MYO3B: variants seen among roughly 807,000 people sequenced by gnomAD.
MYO3B encodes myosin-IIIb.
Under a neutral mutation model 174.6 loss-of-function variants are expected in MYO3B, and 156 were observed. The ratio of observed to expected loss-of-function variants is 0.89; its 90% CI spans 0.78 to 1.02. The LOEUF is 1.02. Among genes scored for constraint, MYO3B ranks in the 50% least tolerant of loss-of-function variants. MYO3B has a pLI of 0.00. For missense variants in MYO3B, 1,632 were observed against 1,639.4 expected, an observed-to-expected ratio of 1.00 and a Z score of 0.08; for synonymous variants, 563 against 569.1, an observed-to-expected ratio of 0.99 and a Z score of 0.15.
rs1559060676 is a variant in MYO3B at position 170,499,982 on chromosome 2, C to CCTTCCTTCTTTCCTTCCTTG, written c.3289+177_3289+178insCCTTCTTTCCTTCCTTGCTT. ...TCCTTCCTTCCTTCTTTCCTTCCTTCCTTTAGCAAATGTGTATCAAATGTG... is the reference window on the plus strand; with the variant it reads ...TCCTTCCTTCCTTCTTTCCTTCCTTCCTTCCTTCTTTCCTTCCTTGCTTTAGCAAATGTGTATCAAATGTG... On this transcript the variant is annotated intron_variant, in intron 27 of 34. Transcript: ENST00000408978. 3.7e-4 allele frequency among the ~76,000 whole-genome samples: 55 copies of CCTTCCTTCTTTCCTTCCTTG among 150,234 alleles called. No individual in the cohort carries two copies. The South Asian group carries it at 6.7e-3, about 18-fold the overall frequency.
intron 32 of MYO3B, among the ~76,000 whole-genome samples, chr2:170,581,648 C>G (rs1205027380): frequency 1.3e-5 from 2 of 151,842 alleles, no homozygotes; most frequent in African/African-American, 4.8e-5. Context: ...ATGGGATGAA[C>G]TTAATTTTCT....
chr2:170,458,653 C>T (rs1236297521), intron 23 of MYO3B, among the ~76,000 whole-genome samples: 4 of 152,166 alleles, frequency 2.6e-5, no homozygotes, highest in Admixed American at 6.5e-5. Flanking sequence ...TACACAACAG[C>T]CTTCTCAGCC....
intron 14 of MYO3B, among the ~76,000 whole-genome samples, chr2:170,387,820 G>C (rs1443009400): frequency 6.6e-6 from 1 of 152,112 alleles, no homozygotes; most frequent in Admixed American, 6.5e-5. Flanking sequence ...AACCTTCTCT[G>C]TGCCTCATCT....
At chr2:170,227,890 T>C (rs1212633736) in intron 6 of MYO3B, among the ~76,000 whole-genome samples, 2 of 152,152 alleles carry the variant, frequency 1.3e-5, no homozygotes, top group Admixed American at 1.3e-4. Context: ...CGCATATATC[T>C]CTTAACTTTC....
chr2:170,462,077 G>A (rs1314100098), intron 23 of MYO3B, among the ~76,000 whole-genome samples: 1 of 152,218 alleles, frequency 6.6e-6, no homozygotes, highest in Non-Finnish European at 1.5e-5. Context: ...TCTGCAGGTG[G>A]TGCTGGTGTG....
chr2:170,410,798 T>C lies in MYO3B; in HGVS notation c.2650+2954T>C, dbSNP rs538448545. 4.6e-5 allele frequency among the ~76,000 whole-genome samples: 7 copies of C among 152,274 alleles called. No individual in the cohort carries two copies. The South Asian group carries it at 1.0e-3, about 23-fold the overall frequency. ...TTATATTTATTATGCTGTACATTTA[T>C]GTTTTGCATACTTTTTTGTGTGTGC... On this transcript the variant is annotated intron_variant, in intron 22 of 34. Transcript: ENST00000408978.
In MYO3B at chr2:170,311,173, GCCTTTTGAAGAAC is replaced by G. The variant is rs557430061; in HGVS notation, c.750-24210_750-24198del. ...AAATGCTGGGCGATTCTGTGTTTTAGCCTTTTGAAGAACCACCACCAAACCATTTTCTACAGTA... is the reference window on the plus strand; with the variant it reads ...AAATGCTGGGCGATTCTGTGTTTTAGCACCACCAAACCATTTTCTACAGTA... On this transcript the variant is annotated intron_variant, in intron 7 of 34. Coordinates refer to ENST00000408978, the MANE Select transcript of MYO3B (RefSeq NM_138995.5). 8.5e-5 allele frequency among the ~76,000 whole-genome samples: 13 copies of G among 152,102 alleles called. No individual in the cohort carries two copies. The East Asian group carries it at 2.5e-3, about 29-fold the overall frequency.
chr2:170,430,032 A>C (rs375500743), intron 22 of MYO3B, among the ~76,000 whole-genome samples: 145 of 151,032 alleles, frequency 9.6e-4, no homozygotes, highest in African/African-American at 3.5e-3. Flanking sequence ...TTTTTCAAAC[A>C]AATGCAGATA....
chr2:170,534,002 G>A (rs1689525083), intron 30 of MYO3B, among the ~76,000 whole-genome samples: 1 of 152,178 alleles, frequency 6.6e-6, no homozygotes, highest in African/African-American at 2.4e-5. Flanking sequence ...ACAACAAATA[G>A]TCTTTTTTGC....
intron 8 of MYO3B, among the ~76,000 whole-genome samples, chr2:170,357,332 ATATATATTATATATATATATTT>A (rs1478942378): frequency 7.6e-5 from 10 of 131,342 alleles, no homozygotes; most frequent in Non-Finnish European, 1.7e-5. Context: ...AAAATAAATA[ATATATATTATATATATATATTT>A]TATATATTAT....
chr2:170,275,197 C>G (rs1276255123), intron 7 of MYO3B, among the ~76,000 whole-genome samples: 1 of 152,170 alleles, frequency 6.6e-6, no homozygotes, highest in African/African-American at 2.4e-5. Flanking sequence ...GCAGGCATCT[C>G]TCAGACTTAA....
At chr2:170,352,407 A>C (rs919680112) in intron 8 of MYO3B, among the ~76,000 whole-genome samples, 2 of 152,240 alleles carry the variant, frequency 1.3e-5, no homozygotes, top group Non-Finnish European at 2.9e-5. Flanking sequence ...GAAAGGGTCT[A>C]CAGAAAATTT....
At chr2:170,253,812 G>T (rs2093278115) in intron 7 of MYO3B, among the ~76,000 whole-genome samples, 1 of 147,480 alleles carries the variant, frequency 6.8e-6, no homozygotes, top group African/African-American at 2.5e-5. Flanking sequence ...GTCAAGCAAG[G>T]TGAAGACTGA....
chr2:170,373,269 A>G (rs1170940215), intron 9 of MYO3B, among the ~76,000 whole-genome samples: 1 of 152,212 alleles, frequency 6.6e-6, no homozygotes, highest in Non-Finnish European at 1.5e-5. Flanking sequence ...TCACAATGCA[A>G]TCATGTAGAA....
intron 8 of MYO3B, among the ~76,000 whole-genome samples, chr2:170,358,101 G>A (rs1574845161): frequency 6.6e-6 from 1 of 151,190 alleles, no homozygotes; most frequent in African/African-American, 2.4e-5. Context: ...GCGGTGAGCC[G>A]AGATCGCACC....
intron 3 of MYO3B, among the ~76,000 whole-genome samples, chr2:170,205,440 T>A (rs1319860413): frequency 4.6e-5 from 7 of 152,166 alleles, no homozygotes; most frequent in African/African-American, 1.7e-4. Flanking sequence ...ATGCTTGCAA[T>A]GCAAGAAAGC....
chr2:170,227,106 A>G (rs1404708539), intron 6 of MYO3B, among the ~76,000 whole-genome samples: 1 of 152,134 alleles, frequency 6.6e-6, no homozygotes, highest in African/African-American at 2.4e-5. Context: ...GCCAAACTCT[A>G]CATTTGCTTC....
chr2:170,518,053 C>A (rs1198191645), intron 29 of MYO3B, among the ~76,000 whole-genome samples: 25 of 150,728 alleles, frequency 1.7e-4, no homozygotes, highest in Non-Finnish European at 4.4e-5. Flanking sequence ...TTAAATTTTT[C>A]TCTTTTGGTG....
At chr2:170,316,186 A>G (rs998081649) in intron 7 of MYO3B, among the ~76,000 whole-genome samples, 4 of 152,204 alleles carry the variant, frequency 2.6e-5, no homozygotes, top group Non-Finnish European at 4.4e-5. Context: ...ACACATATAA[A>G]TGTGTGTGTA....
Sources: allele counts gnomAD v4.1 joint callset (sites outside exome capture counted in the v4.1 genomes callset), GRCh38; gene constraint gnomAD v4.1.1; transcripts MANE v1.5; gene names NCBI Gene and HGNC (gene_info 2026-07-23, HGNC 2026-07-21).